MAGED1: variants seen among roughly 807,000 people sequenced by gnomAD.
MAGED1 encodes the protein MAGE family member D1.
MAGED1 carries 3 observed loss-of-function variants against 54.1 expected under a neutral mutation model. The observed-to-expected ratio is 0.06, with a 90% CI of 0.03 to 0.14. The LOEUF (loss-of-function observed/expected upper bound fraction) is 0.14, where lower values mean the gene tolerates loss of function less well. Ranked by LOEUF, MAGED1 falls within the 10% of genes least tolerant of loss-of-function variation. The probability of loss-of-function intolerance (pLI) is 1.00; values close to 1 mark genes in which losing one functional copy is unlikely to be tolerated. For synonymous variants in MAGED1, 217 were observed against 227.3 expected, an observed-to-expected ratio of 0.95 and a Z score of 0.41; for missense variants, 485 against 623.4, an observed-to-expected ratio of 0.78 and a Z score of 2.36.
At chrX:51,883,188 G>A (rs1569555959) in intron 1 of MAGED1, among the ~76,000 whole-genome samples, 1 of 111,227 alleles carries the variant, frequency 9.0e-6, no homozygotes, top group Admixed American at 9.5e-5. Context: ...TAGAGACTAT[G>A]TGGGGAGCCT....
chrX:51,888,238 TC>T (rs1557362992), intron 1 of MAGED1, among the ~76,000 whole-genome samples: 2 of 111,683 alleles, frequency 1.8e-5, no homozygotes, highest in East Asian at 2.8e-4. Flanking sequence ...CATTCCTGTA[TC>T]AAAACGTCTC....
chrX:51,871,272 CT>C (rs781922894), intron 1 of MAGED1, among the ~76,000 whole-genome samples: 2,528 of 100,349 alleles, frequency 0.025, 69 homozygotes, highest in African/African-American at 0.076. Context: ...TGGGCATAAT[CT>C]TTTTTTTTTT....
chrX:51,838,685 G>C (rs1421083582), intron 1 of MAGED1, among the ~76,000 whole-genome samples: 1 of 111,481 alleles, frequency 9.0e-6, no homozygotes, highest in African/African-American at 3.3e-5. Context: ...ACTTAGGACC[G>C]ATGAGAAGAA....
chrX:51,871,687 G>C (rs1220121533), intron 1 of MAGED1, among the ~76,000 whole-genome samples: 1 of 111,570 alleles, frequency 9.0e-6, no homozygotes, highest in African/African-American at 3.3e-5. Context: ...GGACATTTGG[G>C]TTGGTTCCAA....
Position 51,813,966 on chromosome X carries a change from G to T in MAGED1, c.-37+10849G>T, listed in dbSNP as rs1925314929. Among the ~76,000 whole-genome samples the T allele has an allele frequency of 2.7e-5, 3 of 111,311 alleles. No individual in the cohort carries two copies. The Admixed American group carries it at 2.9e-4, about 11-fold the overall frequency. On this transcript the variant is annotated intron_variant, in intron 1 of 12. Transcript: ENST00000375772. ...GTATGGGATCCTTAAAGTAGCCCTG[G>T]ATCATGTGTCTCAGCCCAGACCTAT...
chrX:51,839,369 C>T (rs782706493), intron 1 of MAGED1, among the ~76,000 whole-genome samples: 34 of 111,782 alleles, frequency 3.0e-4, no homozygotes, highest in African/African-American at 1.0e-3. Flanking sequence ...AAAGCAATAT[C>T]CTCCTGTCCT....
Position 51,895,321 on chromosome X carries a change from A to G in MAGED1, c.314A>G (p.Asn105Ser). ...SQAHNAKDVP[N>S]TQPKAAFKSQ... ...GCTCATAATGCCAAGGATGTGCCCA[A>G]CACGCAGCCCAAGGCAGCCTTTAAG... The change falls in exon 3 of 13, where the codon AAC (asparagine) becomes AGC (serine). Residue 105 changes from asparagine to serine, a missense_variant. Asn to Ser is a conservative substitution (Grantham distance 46, BLOSUM62 1). Coordinates refer to ENST00000326587, the MANE Select transcript of MAGED1 (RefSeq NM_006986.4). 2 of 1,211,034 alleles carry G rather than the reference A, an allele frequency of 1.7e-6. No homozygotes were observed. The highest frequency in any genetic ancestry group is 2.3e-4 in the Middle Eastern group (1 of 4,355).
chrX:51,879,995 T>C (rs1569555946), intron 1 of MAGED1, among the ~76,000 whole-genome samples: 1 of 112,601 alleles, frequency 8.9e-6, no homozygotes, highest in Non-Finnish European at 1.9e-5. Context: ...ATGTGTTCTT[T>C]TGTCTCACCT....
Position 51,842,964 on chromosome X carries a change from G to A in MAGED1, c.-37+39847G>A, listed in dbSNP as rs1187022774. On this transcript the variant is annotated intron_variant, in intron 1 of 12. Coordinates refer to the MAGED1 transcript ENST00000375772. ...CCCGCCTCAGCCTCCCAGAGTTCTG[G>A]GATTATAGGCATGTGCCACTACACC... Among the ~76,000 whole-genome samples the A allele has an allele frequency of 2.7e-5, 3 of 111,095 alleles. No individual in the cohort carries two copies. The East Asian group carries it at 8.5e-4, about 32-fold the overall frequency.
intron 2 of MAGED1, 115 bp downstream of exon 2, chrX:51,894,464 C>G (rs1928605462): frequency 7.1e-6 from 6 of 844,081 alleles, no homozygotes; most frequent in Non-Finnish European, 1.0e-5. Context: ...AGTGACTAGA[C>G]TCCGTGGGCT....
At position 51,896,575 on chromosome X, in the gene MAGED1, G is replaced by A. The variant is rs1928758383; in HGVS notation, c.920G>A (p.Gly307Asp). The change falls in exon 4 of 13, where the codon GGC becomes GAC. Residue 307 changes from glycine (G) to aspartate (D), a missense_variant. Physicochemically the swap from Gly to Asp is moderately conservative, Grantham distance 94. Around this residue, in one of 2 missense-constraint regions of MAGED1, gnomAD observed 299 missense variants for 293.1 expected, o/e 1.02. Transcript: ENST00000326587. ...QTPLAWQNPS[G>D]WQNQTARQTP... is the part of the protein sequence containing the mutation. ...CCATTGGCTTGGCAGAACCCCTCAGGCTGGCAAAACCAGACAGCCAGGCAG... is the reference window on the plus strand; with the variant it reads ...CCATTGGCTTGGCAGAACCCCTCAGACTGGCAAAACCAGACAGCCAGGCAG... 1 of 1,211,642 alleles carries A rather than the reference G, an allele frequency of 8.3e-7. No individual in the cohort carries two copies. Among genetic ancestry groups the A allele is most frequent in the Non-Finnish European group, 1.1e-6 (1 of 895,471 alleles).
At chrX:51,813,405 G>A (rs1200337793) in intron 1 of MAGED1, among the ~76,000 whole-genome samples, 1 of 111,435 alleles carries the variant, frequency 9.0e-6, no homozygotes, top group African/African-American at 3.3e-5. Flanking sequence ...AAGCATGAGT[G>A]CTTCATCCTT....
chrX:51,864,912 T>C (rs1369620098), intron 1 of MAGED1, among the ~76,000 whole-genome samples: 1 of 112,270 alleles, frequency 8.9e-6, no homozygotes, highest in African/African-American at 3.2e-5. Context: ...ATAATTTCAC[T>C]TCTTCCTTTC....
chrX:51,857,426 A>G (rs941735953), intron 1 of MAGED1: 8 of 111,499 alleles, frequency 7.2e-5, no homozygotes, highest in African/African-American at 2.6e-4. Context: ...GAACAACCCT[A>G]TGCTCATAAT....
chrX:51,824,862 C>CTGTGTGTGTGTGTG (rs58934297), intron 1 of MAGED1, among the ~76,000 whole-genome samples: 16 of 72,671 alleles, frequency 2.2e-4, no homozygotes, highest in African/African-American at 7.8e-4. Context: ...TCTCAGAAAC[C>CTGTGTGTGTGTGTG]TGTGTGTGTG....
intron 1 of MAGED1, among the ~76,000 whole-genome samples, chrX:51,886,601 G>T (rs1195410033): frequency 1.9e-5 from 2 of 105,881 alleles, no homozygotes; most frequent in Non-Finnish European, 3.9e-5. Flanking sequence ...ACTATTTCCA[G>T]ATGTCATGAT....
chrX:51,902,042 T>C (rs1217569340), intron 12 of MAGED1, 104 bp downstream of exon 12: 4 of 856,911 alleles, frequency 4.7e-6, no homozygotes, highest in African/African-American at 2.1e-5. Flanking sequence ...AAACTCATTG[T>C]AGGGAGATGA....
chrX:51,872,779 A>G (rs1927728596), intron 1 of MAGED1, among the ~76,000 whole-genome samples: 1 of 112,329 alleles, frequency 8.9e-6, no homozygotes, highest in African/African-American at 3.2e-5. Flanking sequence ...CACTTCTACC[A>G]CTACCATGAC....
At chrX:51,894,727 C>T (rs1184306349) in intron 2 of MAGED1, 1 of 1,156,377 alleles carries the variant, frequency 8.6e-7, no homozygotes, top group Non-Finnish European at 1.1e-6. Flanking sequence ...CCCCCTTATT[C>T]TCAACTCCGC....
Sources: gnomAD v4.1 joint callset for allele counts (sites outside exome capture counted in the v4.1 genomes callset) on GRCh38, gnomAD v4.1.1 for gene constraint, gnomAD v4.1.1 regional missense constraint, MANE v1.5 for transcripts, NCBI Gene and HGNC (gene_info 2026-07-23, HGNC 2026-07-21) for gene names.